Variants in STXBP5L observed in about 807,000 individuals in gnomAD.
STXBP5L encodes syntaxin binding protein 5L, also known as syntaxin-binding protein 5-like.
Under a neutral mutation model 144.5 loss-of-function variants are expected in STXBP5L, and 65 were observed. The observed-to-expected ratio is 0.45, with a 90% CI of 0.37 to 0.55. The LOEUF is 0.55. STXBP5L is among the 20% of genes least tolerant of loss of function. The pLI is 0.00. For missense variants in STXBP5L, 1,298 were observed against 1,405.5 expected, an observed-to-expected ratio of 0.92 and a Z score of 1.22; for synonymous variants, 505 against 469.6, an observed-to-expected ratio of 1.08 and a Z score of -0.97.
At chr3:121,407,123 T>C in intron 22 of STXBP5L, 120 bp from the exon 23 acceptor site, 1 of 1,222,622 alleles carries the variant, frequency 8.2e-7, no homozygotes, top group African/African-American at 1.5e-5. Flanking sequence ...TACAAATTCA[T>C]ATACATTAGG....
At chr3:121,328,358 G>C (rs993829478) in intron 20 of STXBP5L, among the ~76,000 whole-genome samples, 1 of 152,118 alleles carries the variant, frequency 6.6e-6, no homozygotes, top group Non-Finnish European at 1.5e-5. Context: ...ATTTTACAGA[G>C]GAAGGGAAGC....
intron 3 of STXBP5L, among the ~76,000 whole-genome samples, chr3:121,004,842 C>G (rs1200981940): frequency 1.3e-5 from 2 of 152,010 alleles, no homozygotes; most frequent in African/African-American, 4.8e-5. Context: ...TATTTATATG[C>G]TGGATTACGT....
At chr3:121,342,708 G>T (rs961857645) in intron 20 of STXBP5L, among the ~76,000 whole-genome samples, 9 of 150,688 alleles carry the variant, frequency 6.0e-5, no homozygotes, top group Admixed American at 3.3e-4. Flanking sequence ...AGTATACCAT[G>T]TTGTATATGT....
chr3:121,341,282 C>G (rs138869935), intron 20 of STXBP5L, among the ~76,000 whole-genome samples: 11 of 152,052 alleles, frequency 7.2e-5, no homozygotes, highest in Admixed American at 5.2e-4. Flanking sequence ...TAAAGGTGCT[C>G]GACATCCTTG....
chr3:121,339,873 G>A (rs916364541), intron 20 of STXBP5L, among the ~76,000 whole-genome samples: 1 of 150,632 alleles, frequency 6.6e-6, no homozygotes, highest in African/African-American at 2.4e-5. Context: ...TCTACAAGGA[G>A]GACTACAAAA....
intron 5 of STXBP5L, among the ~76,000 whole-genome samples, chr3:121,055,157 A>C (rs796532483): frequency 2.6e-5 from 4 of 152,332 alleles, no homozygotes; most frequent in African/African-American, 9.6e-5. Context: ...ATCTCTTAAG[A>C]AAGATACATA....
intron 7 of STXBP5L, among the ~76,000 whole-genome samples, chr3:121,141,211 C>T (rs533035825): frequency 6.6e-6 from 1 of 152,118 alleles, no homozygotes; most frequent in Non-Finnish European, 1.5e-5. Context: ...TGAGACTAGC[C>T]TGACCAACAC....
rs1945252120 is a variant in STXBP5L at position 121,017,859 on chromosome 3, T to C, written c.288-23841T>C. ...TGGGAGGCTGAGGCAGGAGGATTTC[T>C]TGAGGCCAGGAGTTCAAGTCTGGCC... On this transcript the variant is annotated intron_variant, in intron 3 of 26. Coordinates refer to ENST00000471454, the MANE Select transcript of STXBP5L (RefSeq NM_001308330.2). Among the ~76,000 whole-genome samples the C allele has an allele frequency of 2.6e-5, 4 of 152,122 alleles. No homozygotes were observed. The South Asian group carries it at 8.3e-4, about 32-fold the overall frequency.
intron 3 of STXBP5L, among the ~76,000 whole-genome samples, chr3:121,006,909 T>C (rs1469897918): frequency 6.6e-6 from 1 of 152,178 alleles, no homozygotes; most frequent in Non-Finnish European, 1.5e-5. Flanking sequence ...GAGTTTCTGC[T>C]GAGAGATCAC....
intron 9 of STXBP5L, among the ~76,000 whole-genome samples, chr3:121,169,840 G>A (rs1217450797): frequency 6.6e-6 from 1 of 152,154 alleles, no homozygotes; most frequent in African/African-American, 2.4e-5. Flanking sequence ...TCTGGACCAT[G>A]CAGACTTAAT....
chr3:121,406,003 A>G (rs561418561), intron 22 of STXBP5L, among the ~76,000 whole-genome samples: 2 of 152,230 alleles, frequency 1.3e-5, no homozygotes, highest in East Asian at 1.9e-4. Flanking sequence ...AAGTCTTTCT[A>G]TGGCAGGTAG....
chr3:121,322,994 T>C (rs1049677868), intron 20 of STXBP5L, among the ~76,000 whole-genome samples: 1 of 152,238 alleles, frequency 6.6e-6, no homozygotes. Context: ...TGTGTCTTCT[T>C]TTGAGAAGTG....
intron 20 of STXBP5L, among the ~76,000 whole-genome samples, chr3:121,364,620 T>C (rs1280849432): frequency 6.6e-6 from 1 of 152,044 alleles, no homozygotes; most frequent in Non-Finnish European, 1.5e-5. Flanking sequence ...TGTTCTTTAA[T>C]TTTTTCAGTA....
intron 7 of STXBP5L, among the ~76,000 whole-genome samples, chr3:121,141,599 T>A (rs1053592545): frequency 6.6e-6 from 1 of 152,096 alleles, no homozygotes; most frequent in African/African-American, 2.4e-5. Flanking sequence ...ATACACCATA[T>A]AAGTAGATGA....
chr3:121,191,140 C>T (rs1795389), intron 9 of STXBP5L, among the ~76,000 whole-genome samples: 5 of 152,152 alleles, frequency 3.3e-5, no homozygotes, highest in African/African-American at 4.8e-5. Flanking sequence ...GACAGGGTGG[C>T]GGCCGGGCAG....
At chr3:121,098,755 G>T (rs1022017421) in intron 5 of STXBP5L, among the ~76,000 whole-genome samples, 1 of 152,176 alleles carries the variant, frequency 6.6e-6, no homozygotes, top group African/African-American at 2.4e-5. Context: ...GATGTGGCCA[G>T]GTTCAAAAGA....
chr3:121,067,830 A>T (rs1056126142), intron 5 of STXBP5L, among the ~76,000 whole-genome samples: 1 of 152,180 alleles, frequency 6.6e-6, no homozygotes, highest in African/African-American at 2.4e-5. Context: ...TTACTTTATC[A>T]TTATAAAATA....
intron 2 of STXBP5L, among the ~76,000 whole-genome samples, chr3:120,937,994 T>C (rs896530486): frequency 6.6e-6 from 1 of 152,126 alleles, no homozygotes; most frequent in African/African-American, 2.4e-5. Context: ...TATCCAGCAT[T>C]CTTTTTCTTT....
rs182890501 is a variant in STXBP5L at position 121,388,696 on chromosome 3, A to G, written c.2587+7164A>G. Among the ~76,000 whole-genome samples the G allele has an allele frequency of 3.9e-5, 6 of 152,206 alleles. No homozygotes were observed. The East Asian group carries it at 1.2e-3, about 29-fold the overall frequency. ...TTCTGTTTATGTGATGGGTACGTTT[A>G]TTGATTTCTGTATGTTGAACCAGCC... On this transcript the variant is annotated intron_variant, in intron 22 of 26. Transcript: ENST00000471454.
Sources: allele counts gnomAD v4.1 joint callset (sites outside exome capture counted in the v4.1 genomes callset), GRCh38; gene constraint gnomAD v4.1.1; transcripts MANE v1.5; gene names NCBI Gene and HGNC (gene_info 2026-07-23, HGNC 2026-07-21).